The following SLC10A7 variants were observed in gnomAD, a reference collection of about 807,000 sequenced individuals.
SLC10A7 encodes sodium/bile acid cotransporter 7.
Under a neutral mutation model 43.2 loss-of-function variants are expected in SLC10A7, and 29 were observed. The observed-to-expected ratio is 0.67, with a 90% CI of 0.50 to 0.92. The LOEUF (loss-of-function observed/expected upper bound fraction) is 0.92. Ranked by LOEUF, SLC10A7 falls within the 40% of genes least tolerant of loss-of-function variation. SLC10A7 has a pLI of 0.00. For synonymous variants in SLC10A7, 152 were observed against 144.8 expected (o/e 1.05, Z -0.35); for missense variants, 295 against 403.2 (o/e 0.73, Z 2.30).
At chr4:146,428,095 T>C (rs1002368652) in intron 5 of SLC10A7, among the ~76,000 whole-genome samples, 3 of 152,090 alleles carry the variant, frequency 2.0e-5, no homozygotes, top group Non-Finnish European at 4.4e-5. Context: ...GAGGATAGCT[T>C]GAGCCTGGGA....
chr4:146,294,055 T>G lies in SLC10A7; in HGVS notation c.596A>C (p.Lys199Thr), dbSNP rs756514267. Residue 199 changes from lysine (K) to threonine (T), a missense_variant, in exon 8 of 12, where the codon AAG becomes ACG. Physicochemically the swap from Lys to Thr is moderately conservative, Grantham distance 78. Around this residue, in one of 2 missense-constraint regions of SLC10A7, gnomAD observed 242 missense variants for 362.5 expected, o/e 0.67. Coordinates refer to ENST00000335472, the MANE Select transcript of SLC10A7 (RefSeq NM_001029998.6). ...RYIKDWLERK[K>T]PPFGAISSSV... ...GCTGCTGATAGCACCAAAAGGAGGC[T>G]TCTTTCTCTCAAGCCAATCCTTGAT... The G allele has an allele frequency of 3.2e-5, 52 of 1,611,330 alleles. No homozygotes were observed. Among genetic ancestry groups the G allele is most frequent in the Non-Finnish European group, 4.3e-5 (51 of 1,178,336 alleles).
At chr4:146,392,370 A>G (rs927449387) in intron 5 of SLC10A7, among the ~76,000 whole-genome samples, 3 of 152,158 alleles carry the variant, frequency 2.0e-5, no homozygotes, top group Non-Finnish European at 4.4e-5. Context: ...ATTGAGATTG[A>G]ATGGTCAGAG....
intron 10 of SLC10A7, among the ~76,000 whole-genome samples, chr4:146,282,381 C>A (rs1729605984): frequency 6.6e-6 from 1 of 152,138 alleles, no homozygotes. Context: ...CATAAGCAGA[C>A]TAAGAACATT....
At chr4:146,462,371 T>C (rs1732622802) in intron 4 of SLC10A7, among the ~76,000 whole-genome samples, 1 of 151,998 alleles carries the variant, frequency 6.6e-6, no homozygotes, top group South Asian at 2.1e-4. Flanking sequence ...TATTAGAAAA[T>C]CTCTTCCCAA....
At chr4:146,457,865 C>T (rs891568630) in intron 4 of SLC10A7, among the ~76,000 whole-genome samples, 1 of 151,850 alleles carries the variant, frequency 6.6e-6, no homozygotes, top group Non-Finnish European at 1.5e-5. Flanking sequence ...AATGCAATTT[C>T]TAGGACCAAA....
intron 4 of SLC10A7, among the ~76,000 whole-genome samples, chr4:146,447,683 T>C (rs573802634): frequency 2.2e-4 from 33 of 152,062 alleles, no homozygotes; most frequent in Non-Finnish European, 4.4e-4. Context: ...AAAAAAAAGT[T>C]CATATTGAGA....
chr4:146,354,335 T>C (rs1377649611), intron 5 of SLC10A7, among the ~76,000 whole-genome samples: 1 of 152,168 alleles, frequency 6.6e-6, no homozygotes, highest in Non-Finnish European at 1.5e-5. Context: ...TTACAAGGGA[T>C]GTGAAGGACC....
At chr4:146,368,022 G>A (rs1048777525) in intron 5 of SLC10A7, among the ~76,000 whole-genome samples, 1 of 152,104 alleles carries the variant, frequency 6.6e-6, no homozygotes, top group Non-Finnish European at 1.5e-5. Flanking sequence ...CTTTCCTTAA[G>A]TTTTGGAACA....
intron 5 of SLC10A7, among the ~76,000 whole-genome samples, chr4:146,426,453 A>T (rs556241382): frequency 6.6e-6 from 1 of 152,136 alleles, no homozygotes; most frequent in Non-Finnish European, 1.5e-5. Context: ...CCAAGGTGAA[A>T]GGATCACTTG....
chr4:146,314,053 C>T (rs1732160409), intron 6 of SLC10A7, among the ~76,000 whole-genome samples: 1 of 152,116 alleles, frequency 6.6e-6, no homozygotes, highest in Non-Finnish European at 1.5e-5. Context: ...CTGGAAGGGG[C>T]ATTCAAGGGG....
rs1297528059 is a variant in SLC10A7 at position 146,305,868 on chromosome 4, T to C, written c.555+58A>G. On this transcript the variant is annotated intron_variant, in intron 7 of 11. Transcript: ENST00000335472. ...CTTTCTCTCAACTGCTCTGACATTATGTAAGATTTCACAATTTGATCCATA... is the reference window on the plus strand; with the variant it reads ...CTTTCTCTCAACTGCTCTGACATTACGTAAGATTTCACAATTTGATCCATA... 6 of 1,425,958 alleles carry C rather than the reference T, an allele frequency of 4.2e-6. No homozygotes were observed. The Admixed American group carries it at 1.1e-4, about 26-fold the overall frequency. 88.3% of individuals were successfully genotyped at this position (1,425,958 alleles called of 1,614,324 possible). A position where few individuals can be genotyped will look rare whatever the true frequency, so the allele number is the denominator to read the frequency against.
intron 4 of SLC10A7, among the ~76,000 whole-genome samples, chr4:146,453,033 GTGTA>G (rs757084172): frequency 0.01 from 1,078 of 104,318 alleles, 12 homozygotes; most frequent in African/African-American, 0.041. Context: ...ATGTGTGTGT[GTGTA>G]TATATATATA....
At chr4:146,265,241 C>T (rs1728481654) in intron 10 of SLC10A7, among the ~76,000 whole-genome samples, 1 of 152,212 alleles carries the variant, frequency 6.6e-6, no homozygotes, top group Admixed American at 6.5e-5. Context: ...TGCCTAATGG[C>T]CTACGCTGGT....
chr4:146,393,337 C>T (rs1738587668), intron 5 of SLC10A7, among the ~76,000 whole-genome samples: 1 of 150,660 alleles, frequency 6.6e-6, no homozygotes, highest in South Asian at 2.1e-4. Flanking sequence ...TCTCCATTTA[C>T]AGATGTGAAA....
At chr4:146,483,021 T>A (rs1445741709) in intron 4 of SLC10A7, among the ~76,000 whole-genome samples, 1 of 151,160 alleles carries the variant, frequency 6.6e-6, no homozygotes, top group East Asian at 1.9e-4. Context: ...AAGGAGAAAA[T>A]TTTTCATAGA....
rs376251784 is a variant in SLC10A7 at position 146,357,633 on chromosome 4, A to T, written c.436-31637T>A. On this transcript the variant is annotated intron_variant, in intron 5 of 11. Transcript: ENST00000335472. ...GGTAGAAGTAAGATTGGTAAGCGCA[A>T]CTTATTTGATGAGAGCTATCATTAA... Among the ~76,000 whole-genome samples, 12 of 152,236 alleles carry T rather than the reference A, an allele frequency of 7.9e-5. No homozygotes were observed. The East Asian group carries it at 1.2e-3, about 15-fold the overall frequency.
intron 10 of SLC10A7, among the ~76,000 whole-genome samples, chr4:146,269,504 C>T (rs1315948904): frequency 2.6e-5 from 4 of 152,128 alleles, no homozygotes; most frequent in Non-Finnish European, 5.9e-5. Flanking sequence ...TCTAAAGAGA[C>T]AATCTGGCTA....
chr4:146,321,902 A>G (rs1732734576), intron 6 of SLC10A7, among the ~76,000 whole-genome samples: 2 of 152,198 alleles, frequency 1.3e-5, no homozygotes, highest in Non-Finnish European at 2.9e-5. Flanking sequence ...AAACAGAGAA[A>G]AAGTGTTATA....
intron 5 of SLC10A7, chr4:146,442,191 T>C: frequency 1.0e-6 from 1 of 967,848 alleles, no homozygotes; most frequent in Non-Finnish European, 1.2e-6. Context: ...TAAAACAACG[T>C]CCTTATATTG....
Sources: gnomAD v4.1 joint callset for allele counts (sites outside exome capture counted in the v4.1 genomes callset) on GRCh38, gnomAD v4.1.1 for gene constraint, gnomAD v4.1.1 regional missense constraint, MANE v1.5 for transcripts, NCBI Gene and HGNC (gene_info 2026-07-23, HGNC 2026-07-21) for gene names.